The following MPPED2 variants were observed in gnomAD, a reference collection of about 807,000 sequenced individuals.
The protein encoded by MPPED2 is metallophosphoesterase domain containing 2.
In MPPED2, 5 loss-of-function variants were observed where a neutral mutation model predicts 33.0. That is an observed-to-expected ratio of 0.15 (90% CI 0.08 to 0.32). MPPED2 has a LOEUF of 0.32. Among genes scored for constraint, MPPED2 ranks in the 10% least tolerant of loss-of-function variants. The pLI is 1.00. For synonymous variants in MPPED2, 136 were observed against 141.9 expected (o/e 0.96, Z 0.29); for missense variants, 275 against 372.1 (o/e 0.74, Z 2.15).
chr11:30,446,589 T>C (rs1949819799), intron 4 of MPPED2, among the ~76,000 whole-genome samples: 1 of 152,250 alleles, frequency 6.6e-6, no homozygotes, highest in African/African-American at 2.4e-5. Flanking sequence ...GGCTGTTTTA[T>C]TCTTCTTTGT....
Position 30,507,973 on chromosome 11 carries a change from T to G in MPPED2, c.311-12452A>C, listed in dbSNP as rs1006496052. On this transcript the variant is annotated intron_variant, in intron 3 of 6. Transcript: ENST00000358117. Reference sequence around the variant, plus strand: ...GAGGTCTATTTTACTTTCTACATTTTCATTCCTTACTCATGGGTTTTCCAA... The same window carrying G: ...GAGGTCTATTTTACTTTCTACATTTGCATTCCTTACTCATGGGTTTTCCAA... Among the ~76,000 whole-genome samples the G allele has an allele frequency of 6.6e-5, 10 of 152,284 alleles. 1 individual carries two copies. The highest frequency in any genetic ancestry group is 2.2e-4 in the African/African-American group (9 of 41,580).
chr11:30,463,368 C>A (rs550445), intron 4 of MPPED2, among the ~76,000 whole-genome samples: 1 of 152,144 alleles, frequency 6.6e-6, no homozygotes. Context: ...TCCCCAACAG[C>A]CCCAACTTCC....
chr11:30,503,624 G>C (rs149152269), intron 3 of MPPED2, among the ~76,000 whole-genome samples: 1 of 152,134 alleles, frequency 6.6e-6, no homozygotes, highest in Admixed American at 6.5e-5. Flanking sequence ...TTGTGAAAGA[G>C]AGCCTCCAAA....
At chr11:30,543,860 C>T (rs1298059825) in intron 2 of MPPED2, among the ~76,000 whole-genome samples, 1 of 144,586 alleles carries the variant, frequency 6.9e-6, no homozygotes, top group Non-Finnish European at 1.5e-5. Flanking sequence ...CATTATGCCC[C>T]AGAACAGTAA....
intron 6 of MPPED2, among the ~76,000 whole-genome samples, chr11:30,403,253 AAAAAAAAG>A (rs930580735): frequency 2.6e-5 from 4 of 151,966 alleles, no homozygotes; most frequent in African/African-American, 9.7e-5. Flanking sequence ...TCTCAAAAAA[AAAAAAAAG>A]AAAAGAAAAC....
intron 4 of MPPED2, among the ~76,000 whole-genome samples, chr11:30,474,013 C>T (rs542829082): frequency 7.9e-5 from 12 of 152,164 alleles, no homozygotes; most frequent in Non-Finnish European, 1.5e-4. Context: ...GCTAGAGGAC[C>T]CAGCTAAGCT....
At chr11:30,439,972 GT>G (rs1949493229) in intron 4 of MPPED2, among the ~76,000 whole-genome samples, 1 of 152,210 alleles carries the variant, frequency 6.6e-6, no homozygotes, top group South Asian at 2.1e-4. Flanking sequence ...CTTGACATAC[GT>G]TAGATCAGGA....
In MPPED2 at chr11:30,459,641, C is replaced by A. The variant is rs906263366; in HGVS notation, c.536+35655G>T. ...AAATCCACAAAGCTTCACATAGAAG[C>A]TCTCTCTCTCTGGTATCATATTATT... On this transcript the variant is annotated intron_variant, in intron 4 of 6. Coordinates refer to ENST00000358117, the MANE Select transcript of MPPED2 (RefSeq NM_001584.3). Among the ~76,000 whole-genome samples, 3 of 151,996 alleles carry A rather than the reference C, an allele frequency of 2.0e-5. No homozygotes were observed. The East Asian group carries it at 5.8e-4, about 29-fold the overall frequency.
At chr11:30,449,349 G>C (rs543774564) in intron 4 of MPPED2, among the ~76,000 whole-genome samples, 2 of 152,094 alleles carry the variant, frequency 1.3e-5, no homozygotes, top group Non-Finnish European at 2.9e-5. Context: ...TGAAAGCAAC[G>C]GAGAATCAAC....
intron 2 of MPPED2, among the ~76,000 whole-genome samples, chr11:30,576,880 T>TA (rs879918300): frequency 0.044 from 6,307 of 142,344 alleles, 405 homozygotes; most frequent in African/African-American, 0.15. Context: ...GATTGCTTTC[T>TA]AAAAAAAAAA....
intron 4 of MPPED2, among the ~76,000 whole-genome samples, chr11:30,479,235 A>C (rs1951368361): frequency 6.6e-6 from 1 of 152,136 alleles, no homozygotes; most frequent in Non-Finnish European, 1.5e-5. Context: ...CTAAAAAGGA[A>C]AGAGAATTCA....
At chr11:30,504,812 T>C (rs1952745134) in intron 3 of MPPED2, 4 of 1,287,650 alleles carry the variant, frequency 3.1e-6, no homozygotes, top group Non-Finnish European at 4.1e-6. Context: ...GTTTCTTCCA[T>C]GCTTGCAATG....
rs575903643 is a variant in MPPED2 at position 30,496,458 on chromosome 11, C to T, written c.311-937G>A. On this transcript the variant is annotated intron_variant, in intron 3 of 6. Transcript: ENST00000358117. Reference sequence around the variant, plus strand: ...GTCACTACCCATCCCTCAAGCCTCACTGTTCATCTGCTGCTTTTTATTTTA... The same window carrying T: ...GTCACTACCCATCCCTCAAGCCTCATTGTTCATCTGCTGCTTTTTATTTTA... Among the ~76,000 whole-genome samples the T allele has an allele frequency of 2.0e-5, 3 of 152,320 alleles. No individual in the cohort carries two copies. The South Asian group carries it at 6.2e-4, about 32-fold the overall frequency.
rs749324533 is a variant in MPPED2 at position 30,414,270 on chromosome 11, G to A, written c.724C>T (p.Arg242Ter). ...AACACATGGAGCTTGGGCCGGACTCGCCTCTGAACCGTGTTTAACAGCTCC... is the reference window on the plus strand; with the variant it reads ...AACACATGGAGCTTGGGCCGGACTCACCTCTGAACCGTGTTTAACAGCTCC... Reference protein sequence around the residue: ...CVELLNTVQRRVRPKLHVFGG... With the variant: ...CVELLNTVQR The change falls in exon 6 of 7, where the codon CGA (arginine) becomes TGA (stop). Residue 242 changes from arginine to a stop codon, truncating the protein, a stop_gained. Transcript: ENST00000358117. LOFTEE classifies it high-confidence loss of function. 6.2e-7 allele frequency: 1 copy of A among 1,613,836 alleles called. No homozygotes were observed. The highest frequency in any genetic ancestry group is 8.5e-7 in the Non-Finnish European group (1 of 1,179,838).
chr11:30,415,675 C>T (rs1169777308), intron 5 of MPPED2, among the ~76,000 whole-genome samples: 2 of 152,210 alleles, frequency 1.3e-5, no homozygotes, highest in Non-Finnish European at 2.9e-5. Context: ...CTCACAGCCA[C>T]TCTCTCATTT....
chr11:30,392,980 C>A (rs1338147296), intron 6 of MPPED2, among the ~76,000 whole-genome samples: 3 of 152,126 alleles, frequency 2.0e-5, no homozygotes, highest in Non-Finnish European at 2.9e-5. Flanking sequence ...CAAGTCTTCC[C>A]TCTGTTCCTC....
intron 3 of MPPED2, among the ~76,000 whole-genome samples, chr11:30,513,536 G>A (rs188233052): frequency 1.3e-5 from 2 of 152,296 alleles, no homozygotes; most frequent in Admixed American, 6.5e-5. Flanking sequence ...TGATCTTCAG[G>A]AAGTAAACTA....
intron 3 of MPPED2, among the ~76,000 whole-genome samples, chr11:30,506,021 A>G (rs1393231973): frequency 1.3e-5 from 2 of 151,986 alleles, no homozygotes; most frequent in Non-Finnish European, 2.9e-5. Context: ...AAAGGATGAT[A>G]ATTATTATTG....
At chr11:30,532,156 T>C (rs1044745288) in intron 3 of MPPED2, among the ~76,000 whole-genome samples, 2 of 152,232 alleles carry the variant, frequency 1.3e-5, no homozygotes, top group Non-Finnish European at 2.9e-5. Context: ...TTACCTCCCA[T>C]AGACAATACA....
Sources: gnomAD v4.1 joint callset for allele counts (sites outside exome capture counted in the v4.1 genomes callset) on GRCh38, gnomAD v4.1.1 for gene constraint, MANE v1.5 for transcripts, NCBI Gene and HGNC (gene_info 2026-07-23, HGNC 2026-07-21) for gene names.